The following ASCC3 variants were observed in gnomAD, a reference collection of about 807,000 sequenced individuals.
The protein encoded by ASCC3 is activating signal cointegrator 1 complex subunit 3, also known as ASC-1 complex subunit P200.
Under a neutral mutation model 256.3 loss-of-function variants are expected in ASCC3, and 158 were observed. That is an observed-to-expected ratio of 0.62 (90% confidence interval 0.54 to 0.70). ASCC3 has a LOEUF of 0.70. Among genes scored for constraint, ASCC3 ranks in the 30% least tolerant of loss-of-function variants. The probability of loss-of-function intolerance (pLI) is 0.00; values close to 1 mark genes in which losing one functional copy is unlikely to be tolerated. For synonymous variants in ASCC3, 948 were observed against 883.4 expected, an observed-to-expected ratio of 1.07 and a Z score of -1.30; for missense variants, 2,259 against 2,626.0, an observed-to-expected ratio of 0.86 and a Z score of 3.05.
chr6:100,868,612 T>C (rs1218356753), intron 1 of ASCC3, among the ~76,000 whole-genome samples: 1 of 152,252 alleles, frequency 6.6e-6, no homozygotes, highest in Non-Finnish European at 1.5e-5. Flanking sequence ...CTTGTTTATT[T>C]ACTAACGTAT....
At chr6:100,641,260 A>G (rs1211441375) in intron 24 of ASCC3, among the ~76,000 whole-genome samples, 1 of 152,222 alleles carries the variant, frequency 6.6e-6, no homozygotes, top group Non-Finnish European at 1.5e-5. Flanking sequence ...ACACTATTGT[A>G]TGATGTTGAA....
intron 37 of ASCC3, among the ~76,000 whole-genome samples, chr6:100,522,942 G>T (rs1467296124): frequency 6.7e-6 from 1 of 148,556 alleles, no homozygotes; most frequent in Non-Finnish European, 1.5e-5. Context: ...GAGGGGGAAG[G>T]TGTGTAGACT....
intron 14 of ASCC3, among the ~76,000 whole-genome samples, chr6:100,667,831 T>C (rs1776558400): frequency 6.6e-6 from 1 of 152,032 alleles, no homozygotes; most frequent in Non-Finnish European, 1.5e-5. Context: ...GATAAAGACT[T>C]GGGCTTTTCT....
intron 4 of ASCC3, among the ~76,000 whole-genome samples, chr6:100,834,896 G>A (rs1456826986): frequency 2.0e-5 from 3 of 152,072 alleles, no homozygotes; most frequent in Non-Finnish European, 4.4e-5. Context: ...ATAGATAACT[G>A]TTTTCTGACA....
chr6:100,550,837 T>C (rs1210613450), intron 36 of ASCC3, among the ~76,000 whole-genome samples: 1 of 151,944 alleles, frequency 6.6e-6, no homozygotes, highest in Non-Finnish European at 1.5e-5. Context: ...CCACTGCCAG[T>C]AGTATCAGTA....
chr6:100,633,050 G>C (rs1454909849), intron 25 of ASCC3, among the ~76,000 whole-genome samples: 1 of 151,998 alleles, frequency 6.6e-6, no homozygotes, highest in Admixed American at 6.6e-5. Context: ...CAAAACGAAA[G>C]AAAATATTTG....
chr6:100,509,349 C>G lies in ASCC3; in HGVS notation c.*37G>C. The G allele has an allele frequency of 6.2e-7, 1 of 1,612,804 alleles. No individual in the cohort carries two copies. The highest frequency in any genetic ancestry group is 8.5e-7 in the Non-Finnish European group (1 of 1,179,008). ...TCTAGATGACTGAACAGAGAGAATT[C>G]TTAGCCACTCCTTTCAAATGGATTG... On this transcript the variant is annotated 3_prime_UTR_variant, in exon 42 of 42. Coordinates refer to ENST00000369162, the MANE Select transcript of ASCC3 (RefSeq NM_006828.4).
intron 37 of ASCC3, among the ~76,000 whole-genome samples, chr6:100,526,665 G>T (rs370047910): frequency 6.6e-6 from 1 of 152,270 alleles, no homozygotes. Flanking sequence ...GGTGTTTTGG[G>T]AGATAAAATA....
intron 10 of ASCC3, among the ~76,000 whole-genome samples, chr6:100,739,417 T>C (rs1780325759): frequency 6.6e-6 from 1 of 152,204 alleles, no homozygotes; most frequent in Non-Finnish European, 1.5e-5. Context: ...TGTTGTTGGA[T>C]CTTCCAGGTT....
intron 8 of ASCC3, among the ~76,000 whole-genome samples, chr6:100,794,225 A>G (rs930277698): frequency 1.3e-5 from 2 of 152,052 alleles, no homozygotes; most frequent in Non-Finnish European, 2.9e-5. Flanking sequence ...TTAAGAAGTA[A>G]TATTTCCCAC....
At chr6:100,859,091 C>A (rs1317329506) in intron 3 of ASCC3, 1 of 778,772 alleles carries the variant, frequency 1.3e-6, no homozygotes, top group Admixed American at 1.7e-5. Flanking sequence ...TTCTTTTGTC[C>A]ATTTTAGTCA....
chr6:100,637,761 T>C (rs1294701776), intron 25 of ASCC3, among the ~76,000 whole-genome samples: 1 of 152,072 alleles, frequency 6.6e-6, no homozygotes, highest in Non-Finnish European at 1.5e-5. Flanking sequence ...GCACTGCAGA[T>C]GTGGTGGAAA....
intron 8 of ASCC3, among the ~76,000 whole-genome samples, chr6:100,789,374 G>A (rs964839054): frequency 1.3e-5 from 2 of 151,952 alleles, no homozygotes; most frequent in Non-Finnish European, 2.9e-5. Context: ...GTACTGAGGA[G>A]GCCAGTGCTT....
At chr6:100,619,270 C>A (rs1292178249) in intron 30 of ASCC3, among the ~76,000 whole-genome samples, 1 of 152,182 alleles carries the variant, frequency 6.6e-6, no homozygotes, top group Non-Finnish European at 1.5e-5. Flanking sequence ...AAAGGATTAA[C>A]AGTTTACTTG....
At chr6:100,578,911 GC>G (rs143814723) in intron 36 of ASCC3, among the ~76,000 whole-genome samples, 2,487 of 152,080 alleles carry the variant, frequency 0.016, 65 homozygotes, top group African/African-American at 0.057. Context: ...TTGTCACACT[GC>G]TTTCCACAAC....
intron 8 of ASCC3, among the ~76,000 whole-genome samples, chr6:100,783,518 C>T (rs1387232318): frequency 6.6e-6 from 1 of 152,180 alleles, no homozygotes; most frequent in Non-Finnish European, 1.5e-5. Context: ...GCTTTGAGGA[C>T]GTGGTCTGTC....
intron 37 of ASCC3, among the ~76,000 whole-genome samples, chr6:100,529,949 G>C (rs1774784141): frequency 6.6e-6 from 1 of 151,606 alleles, no homozygotes; most frequent in African/African-American, 2.4e-5. Flanking sequence ...TACCACAGCT[G>C]TCATGATGTT....
intron 36 of ASCC3, among the ~76,000 whole-genome samples, chr6:100,569,663 C>T (rs182601336): frequency 1.5e-4 from 23 of 152,220 alleles, no homozygotes; most frequent in Admixed American, 1.1e-3. Flanking sequence ...GGATTACAGG[C>T]GTGGCGCGGT....
chr6:100,875,714 G>A (rs937650504), intron 1 of ASCC3, among the ~76,000 whole-genome samples: 2 of 147,304 alleles, frequency 1.4e-5, no homozygotes, highest in East Asian at 2.2e-4. Flanking sequence ...TATGACAACA[G>A]AAAAGAAAGT....
Sources: allele counts gnomAD v4.1 joint callset (sites outside exome capture counted in the v4.1 genomes callset), GRCh38; gene constraint gnomAD v4.1.1; transcripts MANE v1.5; gene names NCBI Gene and HGNC (gene_info 2026-07-23, HGNC 2026-07-21).